CEACAM1: variants seen among roughly 807,000 people sequenced by gnomAD.
CEACAM1 encodes CEA cell adhesion molecule 1.
CEACAM1 carries 31 observed loss-of-function variants against 49.1 expected under a neutral mutation model. That is an observed-to-expected ratio of 0.63 (90% CI 0.47 to 0.85). CEACAM1 has a LOEUF of 0.85. Ranked by LOEUF, CEACAM1 falls within the 40% of genes least tolerant of loss-of-function variation. The pLI is 0.00. For synonymous variants in CEACAM1, 244 were observed against 247.8 expected, an observed-to-expected ratio of 0.98 and a Z score of 0.14; for missense variants, 570 against 645.3, an observed-to-expected ratio of 0.88 and a Z score of 1.26.
intron 8 of CEACAM1, 109 bp downstream of exon 8, chr19:42,510,780 G>T: frequency 1.0e-6 from 1 of 980,548 alleles, no homozygotes. Flanking sequence ...TTGTTGCACT[G>T]AGGAACATTA....
At chr19:42,511,677 T>G in intron 6 of CEACAM1, 49 bp from the exon 7 acceptor site, 1 of 1,578,574 alleles carries the variant, frequency 6.3e-7, no homozygotes, top group Non-Finnish European at 8.7e-7. Flanking sequence ...CACAGGATCT[T>G]TGTTCCGTAA....
intron 2 of CEACAM1, among the ~76,000 whole-genome samples, chr19:42,523,139 G>T (rs2041801424): frequency 1.3e-5 from 2 of 152,166 alleles, no homozygotes; most frequent in Admixed American, 6.5e-5. Context: ...CAGGTGCTGG[G>T]TCCCTTCCAG....
At chr19:42,516,694 A>T (rs1405167432) in intron 5 of CEACAM1, 1 of 194,966 alleles carries the variant, frequency 5.1e-6, no homozygotes, top group Non-Finnish European at 1.1e-5. Context: ...AGCCAAAGCA[A>T]TCTTGAAAAA....
intron 1 of CEACAM1, 66 bp from the exon 2 acceptor site, chr19:42,527,466 T>G: frequency 6.5e-7 from 1 of 1,529,284 alleles, no homozygotes; most frequent in African/African-American, 1.4e-5. Context: ...AAATGGGGCC[T>G]TGGGTCCTGA....
chr19:42,524,041 G>T (rs2041827315), intron 2 of CEACAM1, among the ~76,000 whole-genome samples: 3 of 152,194 alleles, frequency 2.0e-5, no homozygotes. Context: ...AAATTCCTGT[G>T]GAAATTCAGG....
At position 42,527,502 on chromosome 19, in the gene CEACAM1, GGAGT is replaced by G. The variant is rs2041921655; in HGVS notation, c.65-106_65-103del. On this transcript the variant is annotated intron_variant, in intron 1 of 8. Coordinates refer to ENST00000161559, the MANE Select transcript of CEACAM1 (RefSeq NM_001712.5). Reference sequence around the variant, plus strand: ...GCAGGTGTCTTCACCCCTCCACCTTGGAGTGTGTGTGTGTGTGTGTGTGTGTGTG... The same window carrying G: ...GCAGGTGTCTTCACCCCTCCACCTTGGTGTGTGTGTGTGTGTGTGTGTGTG... 8.7e-6 allele frequency: 9 copies of G among 1,033,048 alleles called. No homozygotes were observed. In the Admixed American group the frequency reaches 1.9e-4, roughly 22 times the overall value. 64.0% of individuals were successfully genotyped at this position (1,033,048 alleles called of 1,614,324 possible). A position where few individuals can be genotyped will look rare whatever the true frequency, so the allele number is the denominator to read the frequency against.
intron 4 of CEACAM1, 177 bp downstream of exon 4, chr19:42,521,090 A>C (rs1296318829): frequency 6.9e-6 from 5 of 722,656 alleles, no homozygotes; most frequent in Non-Finnish European, 1.2e-5. Context: ...GTGAGAAATC[A>C]GAAAAACAAA....
At chr19:42,515,793 A>G (rs1443925699) in intron 5 of CEACAM1, among the ~76,000 whole-genome samples, 1 of 152,258 alleles carries the variant, frequency 6.6e-6, no homozygotes. Flanking sequence ...CTAATTCTGC[A>G]GAAATAATAA....
chr19:42,522,304 T>A, intron 2 of CEACAM1, 102 bp from the exon 3 acceptor site: 5 of 1,529,934 alleles, frequency 3.3e-6, no homozygotes, highest in Non-Finnish European at 4.4e-6. Flanking sequence ...AGATGGAGCC[T>A]CGCTCTGTCA....
At position 42,512,436 on chromosome 19, in the gene CEACAM1, A is replaced by G. The variant is rs1438615136; in HGVS notation, c.1290T>C (p.Ile430=). The change falls in exon 6 of 9, where the codon ATT becomes ATC. Residue 430 remains isoleucine (I), a synonymous_variant. Coordinates refer to ENST00000161559, the MANE Select transcript of CEACAM1 (RefSeq NM_001712.5). ...CCACTACTCCAATCACAATGCCAGC[A>G]ATGGCCCCAGGTGAGAGGCCATTTT... ...PQENGLSPGA[I]AGIVIGVVAL... The G allele has an allele frequency of 6.2e-7, 1 of 1,614,138 alleles. No homozygotes were observed. Among genetic ancestry groups the G allele is most frequent in the Non-Finnish European group, 8.5e-7 (1 of 1,179,942 alleles).
At chr19:42,519,473 G>C (rs762683515) in intron 4 of CEACAM1, 3 of 521,084 alleles carry the variant, frequency 5.8e-6, no homozygotes, top group African/African-American at 5.8e-5. Context: ...TCGTCTCAGA[G>C]TGACCCTCTG....
At chr19:42,512,501 A>G (rs751364418) in intron 5 of CEACAM1, 22 bp from the exon 6 acceptor site, 11 of 1,608,504 alleles carry the variant, frequency 6.8e-6, no homozygotes, top group Non-Finnish European at 9.4e-6. Flanking sequence ...AGAAAAGAGG[A>G]GAAGAAATGA....
intron 4 of CEACAM1, chr19:42,520,740 C>T (rs1186889030): frequency 1.2e-5 from 2 of 162,482 alleles, no homozygotes; most frequent in Non-Finnish European, 2.7e-5. Context: ...CACCTGCGTC[C>T]TACCCCACAT....
chr19:42,522,227 T>C (rs549206446), intron 2 of CEACAM1, 25 bp from the exon 3 acceptor site: 1 of 1,613,748 alleles, frequency 6.2e-7, no homozygotes, highest in Non-Finnish European at 8.5e-7. Flanking sequence ...GAGAGAAGAT[T>C]GCCCTGTGTG....
intron 5 of CEACAM1, chr19:42,514,890 T>C: frequency 1.9e-6 from 1 of 535,202 alleles, no homozygotes; most frequent in Non-Finnish European, 3.3e-6. Flanking sequence ...ATGATAATAG[T>C]AGTAGTAATA....
At chr19:42,526,656 G>A (rs1380506402) in intron 2 of CEACAM1, among the ~76,000 whole-genome samples, 2 of 152,182 alleles carry the variant, frequency 1.3e-5, no homozygotes, top group East Asian at 3.9e-4. Context: ...GTGTTTTGGA[G>A]CAGGGGATTC....
In CEACAM1 at chr19:42,527,411, G is replaced by C. The variant is rs528328945; in HGVS notation, c.65-11C>G. The C allele has an allele frequency of 2.5e-6, 4 of 1,578,208 alleles. No homozygotes were observed. The African/African-American group carries it at 5.4e-5, about 21-fold the overall frequency. ...AGGTTAGAAGTGAGGCTAGGAGAGA[G>C]GAGAGAGCATCAGTCAATATTGGGA... On this transcript the variant is annotated splice_polypyrimidine_tract_variant and intron_variant, in intron 1 of 8. Coordinates refer to ENST00000161559, the MANE Select transcript of CEACAM1 (RefSeq NM_001712.5).
chr19:42,522,531 T>C (rs981582185), intron 2 of CEACAM1, among the ~76,000 whole-genome samples: 2 of 151,226 alleles, frequency 1.3e-5, no homozygotes, highest in African/African-American at 4.9e-5. Flanking sequence ...ATTACAGGCC[T>C]GAGCCACCGT....
chr19:42,512,299 G>A (rs758160610), intron 6 of CEACAM1, 51 bp downstream of exon 6: 5 of 1,607,056 alleles, frequency 3.1e-6, no homozygotes, highest in Non-Finnish European at 4.3e-6. Context: ...CCTCTCCCAA[G>A]CATGGCAGTC....
Sources: gnomAD v4.1 joint callset for allele counts (sites outside exome capture counted in the v4.1 genomes callset) on GRCh38, gnomAD v4.1.1 for gene constraint, MANE v1.5 for transcripts, NCBI Gene and HGNC (gene_info 2026-07-23, HGNC 2026-07-21) for gene names.